MON2: variants seen among roughly 807,000 people sequenced by gnomAD.
MON2 encodes protein MON2 homolog.
In MON2, 84 loss-of-function variants were observed where a neutral mutation model predicts 208.6. The observed-to-expected ratio is 0.40, with a 90% CI of 0.34 to 0.48. MON2 has a LOEUF of 0.48. Among genes scored for constraint, MON2 ranks in the 20% least tolerant of loss-of-function variants. MON2 has a pLI of 0.59. For missense variants in MON2, 1,611 were observed against 2,015.4 expected (o/e 0.80, Z 3.84); for synonymous variants, 660 against 694.0 (o/e 0.95, Z 0.77).
chr12:62,524,414 T>C, intron 8 of MON2, 101 bp from the exon 9 acceptor site: 1 of 875,128 alleles, frequency 1.1e-6, no homozygotes. Context: ...ATCTAAAAGA[T>C]TTTATTGGTT....
chr12:62,546,904 A>AGTTGCTTTTATTGAACCG lies in MON2; in HGVS notation c.2602_2603insGGTTGCTTTTATTGAACC (p.Asn867_Pro868insArgLeuLeuLeuLeuAsn). ...TTCTTGCCCCCTTTTCAGAGGCTGC[A>AGTTGCTTTTATTGAACCG]GTTGCTTTTATTGAACCCGTTAAAG... On this transcript the variant is annotated inframe_insertion, in exon 22 of 35. Coordinates refer to ENST00000393630, the MANE Select transcript of MON2 (RefSeq NM_015026.3). 6.2e-7 allele frequency: 1 copy of AGTTGCTTTTATTGAACCG among 1,602,412 alleles called. No individual in the cohort carries two copies. The highest frequency in any genetic ancestry group is 1.1e-5 in the South Asian group (1 of 89,406).
Position 62,556,036 on chromosome 12 carries a change from A to G in MON2, c.3253A>G (p.Thr1085Ala). The stretch of plus-strand genomic sequence containing the variant: ...GGACAGAGTTCGAGAGTCCTCTACC[A>G]CTGCAGACAAAGAAAAGATTGAGTC... ...LLDRVRESST[T>A]ADKEKIESGG... The change falls in exon 25 of 35, where the codon ACT (threonine) becomes GCT (alanine). Residue 1085 changes from threonine (T) to alanine (A), a missense_variant. Coordinates refer to ENST00000393630, the MANE Select transcript of MON2 (RefSeq NM_015026.3). 1.2e-6 allele frequency: 2 copies of G among 1,613,650 alleles called. No individual in the cohort carries two copies. Among genetic ancestry groups the G allele is most frequent in the Non-Finnish European group, 1.7e-6 (2 of 1,179,808 alleles).
chr12:62,516,858 A>G (rs904626514), intron 8 of MON2, among the ~76,000 whole-genome samples: 5 of 152,206 alleles, frequency 3.3e-5, no homozygotes, highest in Non-Finnish European at 5.9e-5. Flanking sequence ...TAAATGTTAC[A>G]TACCTACTAT....
At chr12:62,524,390 G>A (rs4405369) in intron 8 of MON2, 125 bp from the exon 9 acceptor site, 4 of 681,438 alleles carry the variant, frequency 5.9e-6, no homozygotes, top group South Asian at 2.2e-5. Flanking sequence ...TCCCCATTAA[G>A]AGTTTGATTT....
intron 8 of MON2, among the ~76,000 whole-genome samples, chr12:62,510,727 A>G (rs1199809043): frequency 2.0e-5 from 3 of 152,194 alleles, no homozygotes; most frequent in African/African-American, 4.8e-5. Flanking sequence ...CTCTAAGATC[A>G]GGAACAAGGC....
chr12:62,534,409 C>A (rs1389050961), intron 12 of MON2, among the ~76,000 whole-genome samples: 1 of 148,460 alleles, frequency 6.7e-6, no homozygotes, highest in Non-Finnish European at 1.5e-5. Flanking sequence ...ATCCCAGCTA[C>A]TCAGGAGGCT....
chr12:62,565,071 C>CAGA lies in MON2; in HGVS notation c.4033-166_4033-165insAGA, dbSNP rs1374548114. Reference sequence around the variant, plus strand: ...TAACAGTTTCAGCCTATACTTTATTCTATAACAGTTTAAAATAGTTTGTGT... The same window carrying CAGA: ...TAACAGTTTCAGCCTATACTTTATTCAGATATAACAGTTTAAAATAGTTTGTGT... On this transcript the variant is annotated intron_variant, in intron 26 of 34. Coordinates refer to ENST00000393630, the MANE Select transcript of MON2 (RefSeq NM_015026.3). The CAGA allele has an allele frequency of 4.9e-6, 3 of 610,336 alleles. No homozygotes were observed. In the African/African-American group the frequency reaches 5.7e-5, roughly 12 times the overall value. The allele number at this position is 610,336 out of a possible 1,614,324, so 37.8% of individuals were successfully genotyped here.
In MON2 at chr12:62,600,257, G is replaced by A. The variant is rs2075596788; in HGVS notation, c.*7508G>A. ...GGCACACATCATTCAAGAATGGCCA[G>A]AAAATCCATGTCTTCCCACAATAGG... is the stretch of plus-strand genomic sequence containing the variant. On this transcript the variant is annotated 3_prime_UTR_variant, in exon 35 of 35. Coordinates refer to ENST00000393630, the MANE Select transcript of MON2 (RefSeq NM_015026.3). 6.6e-6 allele frequency: 1 copy of A among 152,228 alleles called. No homozygotes were observed. Among genetic ancestry groups the A allele is most frequent in the Non-Finnish European group, 1.5e-5 (1 of 68,044 alleles). The allele number at this position is 152,228 out of a possible 1,614,324, so 9.4% of individuals were successfully genotyped here. A position where few individuals can be genotyped will look rare whatever the true frequency, so the allele number is the denominator to read the frequency against.
At chr12:62,575,578 T>A (rs560638898) in intron 30 of MON2, among the ~76,000 whole-genome samples, 1 of 152,210 alleles carries the variant, frequency 6.6e-6, no homozygotes, top group Non-Finnish European at 1.5e-5. Context: ...ATAAATCCTT[T>A]AACCTAATTA....
chr12:62,542,985 C>G, intron 19 of MON2, 112 bp from the exon 20 acceptor site: 2 of 567,242 alleles, frequency 3.5e-6, no homozygotes, highest in Non-Finnish European at 6.0e-6. Flanking sequence ...TTTATACTAA[C>G]CACTCAATTT....
chr12:62,535,453 T>C, intron 13 of MON2, 72 bp from the exon 14 acceptor site: 1 of 1,152,574 alleles, frequency 8.7e-7, no homozygotes, highest in South Asian at 1.8e-5. Context: ...ACTGAATACT[T>C]AATTCCACAT....
Position 62,573,189 on chromosome 12 carries a change from G to A in MON2, c.4514+1607G>A, listed in dbSNP as rs150291749. On this transcript the variant is annotated intron_variant, in intron 30 of 34. Transcript: ENST00000393630. ...TGTTTCTGAAGGAAAAATTATAGGC[G>A]CTCATAAACTATATTCAAACAAATT... Among the ~76,000 whole-genome samples, 585 of 152,218 alleles carry A rather than the reference G, an allele frequency of 3.8e-3. 10 individuals are homozygous for A. Among genetic ancestry groups the A allele is most frequent in the Non-Finnish European group, 2.5e-3 (168 of 68,018 alleles).
chr12:62,468,167 AC>A (rs2068604631), intron 1 of MON2, among the ~76,000 whole-genome samples: 2 of 148,626 alleles, frequency 1.3e-5, no homozygotes, highest in South Asian at 2.1e-4. Context: ...AAAAAAAAAA[AC>A]AAACAAAAAA....
intron 26 of MON2, 60 bp from the exon 27 acceptor site, chr12:62,565,177 A>G: frequency 6.7e-7 from 1 of 1,499,078 alleles, no homozygotes; most frequent in Admixed American, 1.9e-5. Context: ...ATATATACAC[A>G]GTAAAGAACT....
intron 29 of MON2, among the ~76,000 whole-genome samples, chr12:62,568,837 G>C (rs554166998): frequency 6.6e-6 from 1 of 152,120 alleles, no homozygotes; most frequent in South Asian, 2.1e-4. Context: ...ATTTTTAGTA[G>C]AGACGGGGTT....
At chr12:62,552,191 A>C (rs7300518) in intron 23 of MON2, among the ~76,000 whole-genome samples, 1 of 151,940 alleles carries the variant, frequency 6.6e-6, no homozygotes, top group Non-Finnish European at 1.5e-5. Flanking sequence ...TTGGGTATGC[A>C]GTGGGAGGTC....
intron 3 of MON2, 63 bp from the exon 4 acceptor site, chr12:62,494,953 T>C (rs568555960): frequency 5.6e-5 from 71 of 1,266,686 alleles, no homozygotes; most frequent in Non-Finnish European, 6.9e-5. Flanking sequence ...TACCTTCTCT[T>C]ATTTAGGGAC....
At chr12:62,486,781 G>A (rs2069823842) in intron 2 of MON2, among the ~76,000 whole-genome samples, 1 of 152,144 alleles carries the variant, frequency 6.6e-6, no homozygotes, top group African/African-American at 2.4e-5. Flanking sequence ...TACTACTTTT[G>A]TGCTCTAATG....
intron 8 of MON2, among the ~76,000 whole-genome samples, chr12:62,510,475 T>C (rs1286311866): frequency 6.6e-6 from 1 of 152,158 alleles, no homozygotes; most frequent in East Asian, 1.9e-4. Flanking sequence ...GTAAGGACGT[T>C]TCAACATACA....
Sources: gnomAD v4.1 joint callset for allele counts (sites outside exome capture counted in the v4.1 genomes callset) on GRCh38, gnomAD v4.1.1 for gene constraint, MANE v1.5 for transcripts, NCBI Gene and HGNC (gene_info 2026-07-23, HGNC 2026-07-21) for gene names.